The following AGBL4 variants were observed in gnomAD, a reference collection of about 807,000 sequenced individuals.
The protein encoded by AGBL4 is AGBL carboxypeptidase 4, also known as cytosolic carboxypeptidase 6.
AGBL4 carries 58 observed loss-of-function variants against 66.4 expected under a neutral mutation model. The observed-to-expected ratio is 0.87, with a 90% CI of 0.71 to 1.09. The LOEUF (loss-of-function observed/expected upper bound fraction) is 1.09. Among genes scored for constraint, AGBL4 ranks in the 50% least tolerant of loss-of-function variants. The pLI is 0.00. For missense variants in AGBL4, 579 were observed against 631.0 expected (o/e 0.92, Z 0.88); for synonymous variants, 234 against 222.9 (o/e 1.05, Z -0.44).
intron 3 of AGBL4, among the ~76,000 whole-genome samples, chr1:49,438,137 C>G (rs1645945223): frequency 6.6e-6 from 1 of 152,144 alleles, no homozygotes. Context: ...GCTAGATGCT[C>G]TGTGCTCAAA....
intron 1 of AGBL4, among the ~76,000 whole-genome samples, chr1:49,940,573 T>C (rs1654645281): frequency 6.6e-6 from 1 of 151,870 alleles, no homozygotes; most frequent in South Asian, 2.1e-4. Flanking sequence ...AAACTGGAAA[T>C]CATCATTCTC....
chr1:49,180,638 T>C (rs1646914456), intron 4 of AGBL4, among the ~76,000 whole-genome samples: 1 of 152,184 alleles, frequency 6.6e-6, no homozygotes, highest in South Asian at 2.1e-4. Context: ...GTACAGAAGA[T>C]ACTGATCCAG....
chr1:49,317,022 T>C (rs1438653390), intron 3 of AGBL4, among the ~76,000 whole-genome samples: 2 of 151,864 alleles, frequency 1.3e-5, no homozygotes, highest in African/African-American at 4.8e-5. Flanking sequence ...GAAAAAAACA[T>C]ATATAGCATT....
At chr1:49,323,588 T>G (rs1353627139) in intron 3 of AGBL4, among the ~76,000 whole-genome samples, 1 of 151,890 alleles carries the variant, frequency 6.6e-6, no homozygotes, top group Admixed American at 6.6e-5. Flanking sequence ...CAGGACATTT[T>G]TAAGTCTTCA....
chr1:49,231,505 A>C (rs982396511), intron 4 of AGBL4, among the ~76,000 whole-genome samples: 2 of 152,212 alleles, frequency 1.3e-5, no homozygotes, highest in Non-Finnish European at 2.9e-5. Context: ...GGTGGAATGC[A>C]GGCTGCTACC....
intron 9 of AGBL4, among the ~76,000 whole-genome samples, chr1:48,608,298 T>C (rs1465736170): frequency 6.6e-6 from 1 of 152,110 alleles, no homozygotes; most frequent in African/African-American, 2.4e-5. Flanking sequence ...TGGGAGCACA[T>C]GAGAAAGGTG....
chr1:48,890,072 G>A (rs1650791858), intron 5 of AGBL4, among the ~76,000 whole-genome samples: 1 of 151,752 alleles, frequency 6.6e-6, no homozygotes, highest in African/African-American at 2.4e-5. Context: ...TGACAGAGCT[G>A]GGTTGTAACA....
At chr1:49,169,327 C>T (rs149173977) in intron 4 of AGBL4, among the ~76,000 whole-genome samples, 140 of 152,276 alleles carry the variant, frequency 9.2e-4, no homozygotes, top group Non-Finnish European at 1.7e-3. Flanking sequence ...CATGATCCCT[C>T]CTGATCTGTA....
intron 4 of AGBL4, among the ~76,000 whole-genome samples, chr1:49,207,570 CT>C (rs1316775519): frequency 1.8e-5 from 2 of 109,342 alleles, no homozygotes; most frequent in African/African-American, 7.0e-5. Context: ...TTCTTTCTTT[CT>C]TTCTTTCTTT....
At chr1:49,927,382 C>T (rs577424282) in intron 1 of AGBL4, among the ~76,000 whole-genome samples, 1 of 152,178 alleles carries the variant, frequency 6.6e-6, no homozygotes, top group African/African-American at 2.4e-5. Context: ...CCTAAAGAAA[C>T]TTACAATCAT....
chr1:49,144,138 C>T (rs1646169910), intron 4 of AGBL4, among the ~76,000 whole-genome samples: 1 of 152,126 alleles, frequency 6.6e-6, no homozygotes, highest in African/African-American at 2.4e-5. Flanking sequence ...TGTAAAAATG[C>T]TCCAAGCACT....
At chr1:49,581,654 T>C (rs1354795257) in intron 3 of AGBL4, among the ~76,000 whole-genome samples, 1 of 152,178 alleles carries the variant, frequency 6.6e-6, no homozygotes, top group Non-Finnish European at 1.5e-5. Flanking sequence ...GCATGGTTAT[T>C]GATGGAGGCT....
At chr1:49,954,593 C>T (rs1172155444) in intron 1 of AGBL4, among the ~76,000 whole-genome samples, 1 of 152,000 alleles carries the variant, frequency 6.6e-6, no homozygotes, top group African/African-American at 2.4e-5. Context: ...TATAAATTAC[C>T]AGCCTCAAGT....
chr1:48,703,962 G>A (rs1646842410), intron 6 of AGBL4, among the ~76,000 whole-genome samples: 1 of 152,164 alleles, frequency 6.6e-6, no homozygotes, highest in South Asian at 2.1e-4. Flanking sequence ...ATGGTTGTAC[G>A]AACAGCACAG....
intron 3 of AGBL4, among the ~76,000 whole-genome samples, chr1:49,443,190 C>T (rs1451188498): frequency 2.6e-5 from 4 of 151,952 alleles, no homozygotes; most frequent in African/African-American, 9.7e-5. Flanking sequence ...TTTATCAGAT[C>T]ATTTGCAAAT....
chr1:48,625,441 A>T (rs1473565187), intron 9 of AGBL4, among the ~76,000 whole-genome samples: 1 of 152,140 alleles, frequency 6.6e-6, no homozygotes, highest in African/African-American at 2.4e-5. Flanking sequence ...ACCAATGCTA[A>T]GGCTAAGCCC....
At chr1:49,233,616 T>C (rs1650496291) in intron 4 of AGBL4, among the ~76,000 whole-genome samples, 1 of 152,224 alleles carries the variant, frequency 6.6e-6, no homozygotes, top group Admixed American at 6.5e-5. Context: ...GTAACATATG[T>C]GCACAAATAA....
intron 6 of AGBL4, among the ~76,000 whole-genome samples, chr1:48,716,428 A>G (rs761825747): frequency 2.1e-4 from 32 of 152,280 alleles, no homozygotes; most frequent in Non-Finnish European, 4.1e-4. Flanking sequence ...AGATCAAGTA[A>G]AGGCTTTGTG....
intron 3 of AGBL4, among the ~76,000 whole-genome samples, chr1:49,692,696 C>T (rs1211757947): frequency 1.4e-5 from 2 of 145,298 alleles, no homozygotes; most frequent in Admixed American, 7.0e-5. Context: ...CCAGCCTAGA[C>T]GACAGAAAAA....
Sources: gnomAD v4.1 joint callset for allele counts (sites outside exome capture counted in the v4.1 genomes callset) on GRCh38, gnomAD v4.1.1 for gene constraint, MANE v1.5 for transcripts, NCBI Gene and HGNC (gene_info 2026-07-23, HGNC 2026-07-21) for gene names.